The following AMDHD1 variants were observed in gnomAD, a reference collection of about 807,000 sequenced individuals.
The protein encoded by AMDHD1 is amidohydrolase domain containing 1.
Under a neutral mutation model 44.1 loss-of-function variants are expected in AMDHD1, and 45 were observed. That is an observed-to-expected ratio of 1.02 (90% CI 0.80 to 1.31). AMDHD1 has a LOEUF of 1.31. Among genes scored for constraint, AMDHD1 ranks in the 50% most tolerant of loss-of-function variants. The probability of loss-of-function intolerance (pLI) is 0.00; values close to 1 mark genes in which losing one functional copy is unlikely to be tolerated. For missense variants in AMDHD1, 586 were observed against 552.1 expected (o/e 1.06, Z -0.61); for synonymous variants, 206 against 205.0 (o/e 1.00, Z -0.04).
rs770287350 is a variant in AMDHD1 at position 95,962,394 on chromosome 12, G to A, written c.853G>A (p.Glu285Lys). The change falls in exon 6 of 9, where the codon GAA (glutamate) becomes AAA (lysine). Residue 285 changes from glutamate (E) to lysine (K), a missense_variant. Transcript: ENST00000266736. ...GGGAGCGCAGGCAATCAGCCACCTG[G>A]AAGAAGTGAGTGATGAAGGCATCGT... ...ELGAQAISHLEEVSDEGIVAM... is the reference protein window; with the variant it reads ...ELGAQAISHLKEVSDEGIVAM... 6.2e-7 allele frequency: 1 copy of A among 1,613,912 alleles called. No individual in the cohort carries two copies. Among genetic ancestry groups the A allele is most frequent in the Admixed American group, 1.7e-5 (1 of 59,982 alleles).
chr12:95,965,756 C>A lies in AMDHD1; in HGVS notation c.1009C>A (p.Pro337Thr), dbSNP rs1303855958. 1 of 1,611,562 alleles carries A rather than the reference C, an allele frequency of 6.2e-7. No homozygotes were observed. The highest frequency in any genetic ancestry group is 8.5e-7 in the Non-Finnish European group (1 of 1,178,828). ...VIVALGSDFN[P>T]NAYCFSMPMV... ...AGTTGCTCTGGGAAGTGATTTCAAC[C>A]CCAATGCATATTGCTTTTCAATGGT... The change falls in exon 7 of 9, where the codon CCC becomes ACC. Residue 337 changes from proline to threonine, a missense_variant. Pro to Thr is a conservative substitution (Grantham distance 38). Transcript: ENST00000266736.
In AMDHD1 at chr12:95,952,719, A is replaced by G. The variant is rs372661927; in HGVS notation, c.140A>G (p.Asp47Gly). 1.3e-6 allele frequency: 2 copies of G among 1,593,342 alleles called. No individual in the cohort carries two copies. The highest frequency in any genetic ancestry group is 1.7e-6 in the Non-Finnish European group (2 of 1,165,062). The change falls in exon 2 of 9, where the codon GAT (aspartate) becomes GGT (glycine). Residue 47 changes from aspartate (D) to glycine (G), a missense_variant and splice_region_variant. Transcript: ENST00000266736. ...LEGASLVVGK[D>G]GFIKAIGPAD... ...ACTATTTCTTGATTTTTCTTCAGAG[A>G]TGGATTTATAAAAGCTATTGGTCCT...
At chr12:95,953,877 G>C (rs932469133) in intron 2 of AMDHD1, among the ~76,000 whole-genome samples, 2 of 152,116 alleles carry the variant, frequency 1.3e-5, no homozygotes, top group African/African-American at 2.4e-5. Context: ...CACCACGCCC[G>C]GCCTTCCTTA....
chr12:95,960,885 C>T (rs2080577962), intron 5 of AMDHD1, among the ~76,000 whole-genome samples: 1 of 152,160 alleles, frequency 6.6e-6, no homozygotes, highest in Admixed American at 6.5e-5. Flanking sequence ...GGCGCGGTAG[C>T]TCACACCTGT....
At chr12:95,944,408 T>G (rs1281269090) in intron 1 of AMDHD1, among the ~76,000 whole-genome samples, 1 of 151,880 alleles carries the variant, frequency 6.6e-6, no homozygotes, top group Non-Finnish European at 1.5e-5. Flanking sequence ...CCAGCCTATT[T>G]TTTGTTTTTT....
intron 4 of AMDHD1, among the ~76,000 whole-genome samples, chr12:95,957,984 C>T (rs367582398): frequency 6.6e-5 from 10 of 152,116 alleles, no homozygotes; most frequent in Admixed American, 2.6e-4. Flanking sequence ...GCCCGGGAGG[C>T]GGAGGTTGCA....
At position 95,943,501 on chromosome 12, in the gene AMDHD1, G is replaced by T. The variant is rs757021541; in HGVS notation, c.103G>T (p.Ala35Ser). ...GGCGCGGGATGCGCTGCGCAGCCTG[G>T]CGGTGCTGGAAGGCGCCAGCCTGGT... ...FLARDALRSL[A>S]VLEGASLVVG... Residue 35 changes from alanine (A) to serine (S), a missense_variant, in exon 1 of 9, where the codon GCG becomes TCG. Transcript: ENST00000266736. 75 of 1,497,420 alleles carry T rather than the reference G, an allele frequency of 5.0e-5. No homozygotes were observed. Among genetic ancestry groups the T allele is most frequent in the East Asian group, 2.8e-5 (1 of 35,756 alleles). 92.8% of individuals were successfully genotyped at this position (1,497,420 alleles called of 1,614,324 possible). A position where few individuals can be genotyped will look rare whatever the true frequency, so the allele number is the denominator to read the frequency against.
chr12:95,948,691 C>G (rs1434767275), intron 1 of AMDHD1, among the ~76,000 whole-genome samples: 1 of 70,210 alleles, frequency 1.4e-5, no homozygotes, highest in Non-Finnish European at 2.6e-5. Context: ...AATAGAAAGG[C>G]GGGAAAGGCG....
At chr12:95,943,574 C>A in intron 1 of AMDHD1, 39 bp downstream of exon 1, 1 of 1,404,482 alleles carries the variant, frequency 7.1e-7, no homozygotes, top group Non-Finnish European at 9.2e-7. Context: ...CCGCCACGGG[C>A]GGAGCTGGCC....
At chr12:95,949,160 G>GAAAAAAAAAAA (rs1358481972) in intron 1 of AMDHD1, among the ~76,000 whole-genome samples, 3 of 101,886 alleles carry the variant, frequency 2.9e-5, no homozygotes, top group Admixed American at 1.0e-4. Context: ...AAAAAAAAAA[G>GAAAAAAAAAAA]AAAAAAAAAA....
At position 95,967,942 on chromosome 12, in the gene AMDHD1, TA is replaced by T. The variant is rs1324252163; in HGVS notation, c.*102del. On this transcript the variant is annotated 3_prime_UTR_variant, in exon 9 of 9. Coordinates refer to ENST00000266736, the MANE Select transcript of AMDHD1 (RefSeq NM_152435.3). ...TAATATTTACAAGAATTATATCACT[TA>T]AACCTAAATGTACTTCAATGTCTTT... 6 of 824,718 alleles carry T rather than the reference TA, an allele frequency of 7.3e-6. No homozygotes were observed. The highest frequency in any genetic ancestry group is 1.8e-5 in the African/African-American group (1 of 55,866). The allele number at this position is 824,718 out of a possible 1,614,324, so 51.1% of individuals were successfully genotyped here.
intron 8 of AMDHD1, 150 bp from the exon 9 acceptor site, chr12:95,967,606 T>C (rs1471635647): frequency 8.4e-6 from 5 of 593,128 alleles, no homozygotes; most frequent in South Asian, 2.4e-5. Context: ...CAGTTAGTTA[T>C]ATACGGTTTT....
Position 95,957,018 on chromosome 12 carries a change from G to A in AMDHD1, c.587+56G>A, listed in dbSNP as rs1592823980. ...ACTCAGAGCATTGAAAACGAACCCC[G>A]GGGGTGGAGGCGCATTAGCACTTTA... On this transcript the variant is annotated intron_variant, in intron 4 of 8. Coordinates refer to ENST00000266736, the MANE Select transcript of AMDHD1 (RefSeq NM_152435.3). 6.3e-6 allele frequency: 10 copies of A among 1,597,626 alleles called. No individual in the cohort carries two copies. In the East Asian group the frequency reaches 2.0e-4, roughly 32 times the overall value.
In AMDHD1 at chr12:95,966,370, G is replaced by A. The variant is rs1171615757; in HGVS notation, c.1055G>A (p.Cys352Tyr). 1.2e-6 allele frequency: 2 copies of A among 1,614,226 alleles called. No homozygotes were observed. Among genetic ancestry groups the A allele is most frequent in the Non-Finnish European group, 1.7e-6 (2 of 1,180,044 alleles). ...FSMPMVMHLA[C>Y]VNMRMSMPEA... ...TAGCCAATGGTCATGCATCTGGCCT[G>A]TGTAAACATGAGAATGTCCATGCCT... The change falls in exon 8 of 9, where the codon TGT becomes TAT. Residue 352 changes from cysteine to tyrosine, a missense_variant. Cys to Tyr is a radical substitution (Grantham distance 194). Transcript: ENST00000266736.
intron 8 of AMDHD1, among the ~76,000 whole-genome samples, chr12:95,967,226 C>A (rs2080616058): frequency 6.6e-6 from 1 of 152,204 alleles, no homozygotes; most frequent in South Asian, 2.1e-4. Context: ...ATGAGAACAG[C>A]ATGGGAAAGA....
intron 1 of AMDHD1, among the ~76,000 whole-genome samples, chr12:95,946,059 CTCTGTGTGTGTG>C (rs1386329649): frequency 1.4e-5 from 2 of 142,534 alleles, no homozygotes; most frequent in African/African-American, 2.9e-5. Flanking sequence ...CTCTCTTTCT[CTCTGTGTGTGTG>C]TGTGTGTGTG....
chr12:95,957,749 C>T (rs1024650389), intron 4 of AMDHD1, among the ~76,000 whole-genome samples: 5 of 152,150 alleles, frequency 3.3e-5, no homozygotes, highest in South Asian at 2.1e-4. Context: ...TTGTAAACTT[C>T]GGAATATAAA....
chr12:95,968,565 T>C lies in AMDHD1; in HGVS notation c.*722T>C, dbSNP rs2080623947. The C allele has an allele frequency of 6.6e-6, 1 of 152,244 alleles. No homozygotes were observed. Among genetic ancestry groups the C allele is most frequent in the Non-Finnish European group, 1.5e-5 (1 of 68,036 alleles). 9.4% of individuals were successfully genotyped at this position (152,244 alleles called of 1,614,324 possible). A position where few individuals can be genotyped will look rare whatever the true frequency, so the allele number is the denominator to read the frequency against. On this transcript the variant is annotated 3_prime_UTR_variant, in exon 9 of 9. Transcript: ENST00000266736. ...AATTGGGTGAAACACATTTTACAGC[T>C]CTCAATAAATGTTTGCTGTCGCTCT...
intron 3 of AMDHD1, among the ~76,000 whole-genome samples, chr12:95,956,421 A>G (rs1404170597): frequency 6.6e-6 from 1 of 151,818 alleles, no homozygotes; most frequent in Non-Finnish European, 1.5e-5. Flanking sequence ...CTGCCCTAAG[A>G]TCCCAACAGG....
Sources: allele counts gnomAD v4.1 joint callset (sites outside exome capture counted in the v4.1 genomes callset), GRCh38; gene constraint gnomAD v4.1.1; transcripts MANE v1.5; gene names NCBI Gene and HGNC (gene_info 2026-07-23, HGNC 2026-07-21).